SLC18A1: variants seen among roughly 807,000 people sequenced by gnomAD.
The protein encoded by SLC18A1 is chromaffin granule amine transporter.
A neutral mutation model predicts 53.7 loss-of-function variants in SLC18A1; 69 were observed. The ratio of observed to expected loss-of-function variants is 1.28; its 90% CI spans 1.06 to 1.57. The LOEUF (loss-of-function observed/expected upper bound fraction) is 1.57. Among genes scored for constraint, SLC18A1 ranks in the 40% most tolerant of loss-of-function variants. SLC18A1 has a pLI of 0.00. For synonymous variants in SLC18A1, 320 were observed against 248.1 expected, an observed-to-expected ratio of 1.29 and a Z score of -2.72; for missense variants, 932 against 668.1, an observed-to-expected ratio of 1.40 and a Z score of -4.35.
intron 10 of SLC18A1, among the ~76,000 whole-genome samples, chr8:20,157,608 C>T (rs1055828598): frequency 5.3e-5 from 8 of 152,174 alleles, no homozygotes; most frequent in African/African-American, 1.9e-4. Flanking sequence ...ATTGAGGAAG[C>T]ATACCTCTCT....
At position 20,171,177 on chromosome 8, in the gene SLC18A1, C is replaced by T. The variant is rs372705194; in HGVS notation, c.815-31G>A. 16 of 1,613,182 alleles carry T rather than the reference C, an allele frequency of 9.9e-6. 1 individual carries two copies. Among genetic ancestry groups the T allele is most frequent in the African/African-American group, 2.7e-5 (2 of 74,918 alleles). Reference sequence around the variant, plus strand: ...AAACAAAGAAGGTGAGACAGTTCAGCGTGTCTACTGATTAGCTGGGGGCTC... The same window carrying T: ...AAACAAAGAAGGTGAGACAGTTCAGTGTGTCTACTGATTAGCTGGGGGCTC... On this transcript the variant is annotated intron_variant, in intron 7 of 15. Transcript: ENST00000276373.
chr8:20,153,886 C>T (rs895659702), intron 10 of SLC18A1, among the ~76,000 whole-genome samples: 1 of 152,084 alleles, frequency 6.6e-6, no homozygotes. Flanking sequence ...TGATATTTGT[C>T]CTCTTGAAAT....
rs569577389 is a variant in SLC18A1 at position 20,177,437 on chromosome 8, A to G, written c.547+998T>C. On this transcript the variant is annotated intron_variant, in intron 4 of 15. Coordinates refer to ENST00000276373, the MANE Select transcript of SLC18A1 (RefSeq NM_003053.4). ...GTTCTCACTCATAGGTGGGAATTGA[A>G]CAGAGAACACATGGACACCGGAAGG... 3.9e-5 allele frequency among the ~76,000 whole-genome samples: 6 copies of G among 152,324 alleles called. No individual in the cohort carries two copies. In the South Asian group the frequency reaches 6.2e-4, roughly 16 times the overall value.
At chr8:20,148,735 C>G (rs2071470504) in intron 12 of SLC18A1, among the ~76,000 whole-genome samples, 1 of 152,198 alleles carries the variant, frequency 6.6e-6, no homozygotes, top group Non-Finnish European at 1.5e-5. Context: ...CCAGGACACT[C>G]ACCCCTTAAG....
chr8:20,149,766 G>C (rs779737441), intron 11 of SLC18A1, 39 bp from the exon 12 acceptor site: 3 of 1,602,090 alleles, frequency 1.9e-6, no homozygotes, highest in South Asian at 1.1e-5. Context: ...CACTAGGGGA[G>C]AGCTCCCCTC....
At chr8:20,164,180 A>G (rs2071896143) in intron 10 of SLC18A1, among the ~76,000 whole-genome samples, 1 of 151,986 alleles carries the variant, frequency 6.6e-6, no homozygotes, top group African/African-American at 2.4e-5. Context: ...TGATGGAGCA[A>G]TTTGCACGTA....
chr8:20,148,521 T>C (rs2071463676), intron 12 of SLC18A1: 1 of 1,272,798 alleles, frequency 7.9e-7, no homozygotes. Context: ...TGGTAGCTGT[T>C]GGAAAAAGAA....
intron 10 of SLC18A1, among the ~76,000 whole-genome samples, chr8:20,154,016 A>G (rs2071623695): frequency 6.6e-6 from 1 of 152,114 alleles, no homozygotes. Flanking sequence ...GTAATGAGTG[A>G]CTTCTTGCTC....
intron 4 of SLC18A1, among the ~76,000 whole-genome samples, chr8:20,176,226 A>G (rs1029472697): frequency 8.5e-5 from 13 of 152,118 alleles, no homozygotes; most frequent in African/African-American, 2.9e-4. Flanking sequence ...AGTTCTCTCA[A>G]GAGCTGCTGG....
intron 12 of SLC18A1, chr8:20,148,583 T>A: frequency 1.5e-6 from 1 of 671,752 alleles, no homozygotes; most frequent in Non-Finnish European, 2.4e-6. Context: ...AGGGGGCAGG[T>A]GGTGTGGCTT....
chr8:20,164,136 C>A (rs1227239843), intron 10 of SLC18A1, among the ~76,000 whole-genome samples: 2 of 152,136 alleles, frequency 1.3e-5, no homozygotes, highest in African/African-American at 2.4e-5. Flanking sequence ...TTATCAGCTT[C>A]CCCTCTGGCC....
At chr8:20,166,825 C>T (rs1025427430) in intron 8 of SLC18A1, among the ~76,000 whole-genome samples, 10 of 152,088 alleles carry the variant, frequency 6.6e-5, no homozygotes, top group African/African-American at 2.4e-4. Context: ...AGTGGGGGCT[C>T]TAATCTGAAA....
At chr8:20,148,555 C>A in intron 12 of SLC18A1, 1 of 1,019,262 alleles carries the variant, frequency 9.8e-7, no homozygotes, top group South Asian at 1.3e-5. Flanking sequence ...CCCCAACAAC[C>A]AGTTAGCTGT....
At chr8:20,159,354 C>T (rs2071760166) in intron 10 of SLC18A1, among the ~76,000 whole-genome samples, 3 of 152,080 alleles carry the variant, frequency 2.0e-5, no homozygotes, top group Non-Finnish European at 4.4e-5. Context: ...AATTCCTAAG[C>T]CTAGCTGGGG....
At chr8:20,152,957 G>A (rs1407765300) in intron 10 of SLC18A1, among the ~76,000 whole-genome samples, 1 of 152,180 alleles carries the variant, frequency 6.6e-6, no homozygotes, top group African/African-American at 2.4e-5. Context: ...ATGGAAACAC[G>A]ACAGTTCCAT....
chr8:20,162,014 G>A (rs574052479), intron 10 of SLC18A1, among the ~76,000 whole-genome samples: 13 of 152,270 alleles, frequency 8.5e-5, no homozygotes, highest in African/African-American at 2.4e-4. Flanking sequence ...TTCTGCGCAC[G>A]TGCAAAATTT....
chr8:20,145,691 G>C lies in SLC18A1; in HGVS notation c.*72C>G. On this transcript the variant is annotated 3_prime_UTR_variant, in exon 16 of 16. Coordinates refer to ENST00000276373, the MANE Select transcript of SLC18A1 (RefSeq NM_003053.4). ...TGAAGCCCACTGAGCCGTGGGCTCA[G>C]CCATGGTGATCTGGTCCCAGGGAAA... 1 of 965,726 alleles carries C rather than the reference G, an allele frequency of 1.0e-6. No homozygotes were observed. Among genetic ancestry groups the C allele is most frequent in the Non-Finnish European group, 1.6e-6 (1 of 628,392 alleles). 59.8% of individuals were successfully genotyped at this position (965,726 alleles called of 1,614,324 possible).
At chr8:20,152,013 G>A (rs1311142521) in intron 10 of SLC18A1, among the ~76,000 whole-genome samples, 1 of 152,220 alleles carries the variant, frequency 6.6e-6, no homozygotes, top group Non-Finnish European at 1.5e-5. Context: ...TTAATGTGGT[G>A]ATATAGCAGA....
rs1409767582 is a variant in SLC18A1, at chr8:20,179,453, C to A, written c.156G>T (p.Met52Ile). Residue 52 changes from methionine (M) to isoleucine (I), a missense_variant, in exon 3 of 16, where the codon ATG becomes ATT. By Grantham distance (10) the Met-to-Ile change is conservative. Transcript: ENST00000276373. ...GAGAAGAGTTGACTTCTTTGAACTC[C>A]ATGTCATATAGGAAGGTGGGCACAA... ...VPIVPTFLYD[M>I]EFKEVNSSLH... The A allele has an allele frequency of 1.9e-6, 3 of 1,613,092 alleles. No homozygotes were observed. The highest frequency in any genetic ancestry group is 2.5e-6 in the Non-Finnish European group (3 of 1,179,614).
Sources: allele counts gnomAD v4.1 joint callset (sites outside exome capture counted in the v4.1 genomes callset), GRCh38; gene constraint gnomAD v4.1.1; transcripts MANE v1.5; gene names NCBI Gene and HGNC (gene_info 2026-07-23, HGNC 2026-07-21).